ZFHX3: variants seen among roughly 807,000 people sequenced by gnomAD.
The protein encoded by ZFHX3 is zinc finger homeobox protein 3.
ZFHX3 carries 42 observed loss-of-function variants against 279.1 expected under a neutral mutation model. That is an observed-to-expected ratio of 0.15 (90% CI 0.12 to 0.19). The LOEUF is 0.19. Among genes scored for constraint, ZFHX3 ranks in the 10% least tolerant of loss-of-function variants. The pLI, the probability that ZFHX3 is intolerant of heterozygous loss-of-function variation, is 1.00. For synonymous variants in ZFHX3, 2,293 were observed against 1,957.8 expected, an observed-to-expected ratio of 1.17 and a Z score of -4.52; for missense variants, 4,981 against 4,754.0, an observed-to-expected ratio of 1.05 and a Z score of -1.40.
chr16:73,102,274 C>T (rs1481816019), intron 7 of ZFHX3, among the ~76,000 whole-genome samples: 1 of 152,182 alleles, frequency 6.6e-6, no homozygotes, highest in Non-Finnish European at 1.5e-5. Flanking sequence ...CCTGAGCTCA[C>T]CTCGAGATGC....
At position 72,950,961 on chromosome 16, in the gene ZFHX3, G is replaced by A. The variant is rs199738300; in HGVS notation, c.2724C>T (p.Gly908=). 33 of 1,610,956 alleles carry A rather than the reference G, an allele frequency of 2.0e-5. No individual in the cohort carries two copies. The Admixed American group carries it at 2.3e-4, about 11-fold the overall frequency. Residue 908 remains glycine (G), a synonymous_variant, in exon 3 of 10, where the codon GGC becomes GGT. Transcript: ENST00000268489. The part of the protein sequence containing the change: ...PMAAMTPALV[G]GEIPLDMRLG... ...GCCGCATGTCTAGGGGGATCTCACC[G>A]CCCACTGCAGGGAAGGAGAGAAGGA...
chr16:72,903,825 C>T (rs532458572), intron 3 of ZFHX3, among the ~76,000 whole-genome samples: 146 of 152,198 alleles, frequency 9.6e-4, no homozygotes, highest in East Asian at 1.9e-3. Flanking sequence ...ATAAATATAC[C>T]GCTAGAAAGA....
At chr16:73,158,397 TCTTTTCTTTC>T (rs1025171425) in intron 5 of ZFHX3, among the ~76,000 whole-genome samples, 8 of 152,214 alleles carry the variant, frequency 5.3e-5, no homozygotes, top group African/African-American at 1.9e-4. Flanking sequence ...AAAGTCCTTT[TCTTTTCTTTC>T]CTTTTCTTTC....
intron 5 of ZFHX3, among the ~76,000 whole-genome samples, chr16:73,165,385 C>A (rs1307875041): frequency 6.6e-6 from 1 of 152,210 alleles, no homozygotes; most frequent in Non-Finnish European, 1.5e-5. Flanking sequence ...TCTTAACATA[C>A]CACACTTTGC....
chr16:73,382,722 T>C (rs958368795), intron 3 of ZFHX3, among the ~76,000 whole-genome samples: 4 of 152,218 alleles, frequency 2.6e-5, no homozygotes, highest in Non-Finnish European at 5.9e-5. Flanking sequence ...CTAGGCCAAG[T>C]GTCCTTGAGC....
intron 5 of ZFHX3, among the ~76,000 whole-genome samples, chr16:73,146,178 C>T (rs1966862101): frequency 1.3e-5 from 2 of 152,042 alleles, no homozygotes; most frequent in African/African-American, 4.8e-5. Context: ...GCCTAGAATC[C>T]CAGCACTTTG....
At chr16:73,698,176 A>G (rs1327537856) in intron 1 of ZFHX3, among the ~76,000 whole-genome samples, 1 of 152,196 alleles carries the variant, frequency 6.6e-6, no homozygotes, top group Non-Finnish European at 1.5e-5. Flanking sequence ...CGAAACTGGA[A>G]CAATTTGAGA....
chr16:73,388,526 C>T (rs12928135), intron 3 of ZFHX3, among the ~76,000 whole-genome samples: 17,943 of 152,166 alleles, frequency 0.12, 1,802 homozygotes, highest in South Asian at 0.27. Context: ...AAAATGACCC[C>T]CTCACCACCA....
chr16:73,021,188 A>C (rs1242974733), intron 1 of ZFHX3, among the ~76,000 whole-genome samples: 1 of 152,184 alleles, frequency 6.6e-6, no homozygotes, highest in Non-Finnish European at 1.5e-5. Context: ...CAATAAAAGG[A>C]AAGACTGAAG....
chr16:73,271,130 G>T (rs1305706346), intron 4 of ZFHX3, among the ~76,000 whole-genome samples: 1 of 152,158 alleles, frequency 6.6e-6, no homozygotes, highest in Non-Finnish European at 1.5e-5. Context: ...AGAGCTTGGC[G>T]TTGAGTGGAA....
intron 2 of ZFHX3, among the ~76,000 whole-genome samples, chr16:73,478,459 A>C (rs962818534): frequency 6.6e-6 from 1 of 152,114 alleles, no homozygotes; most frequent in Non-Finnish European, 1.5e-5. Context: ...TAAAGGTATA[A>C]TCTGTGACAC....
chr16:73,568,850 C>T (rs1307608128), intron 2 of ZFHX3, among the ~76,000 whole-genome samples: 9 of 152,124 alleles, frequency 5.9e-5, no homozygotes, highest in Non-Finnish European at 4.4e-5. Context: ...CCATTCTGGG[C>T]CACTCTCCAT....
chr16:73,667,993 A>AT (rs1276157298), intron 2 of ZFHX3, among the ~76,000 whole-genome samples: 1 of 152,216 alleles, frequency 6.6e-6, no homozygotes, highest in African/African-American at 2.4e-5. Context: ...TTAAAGCTTC[A>AT]TTACATATGC....
At chr16:73,578,089 G>A (rs751077973) in intron 2 of ZFHX3, among the ~76,000 whole-genome samples, 78 of 152,136 alleles carry the variant, frequency 5.1e-4, no homozygotes, top group Middle Eastern at 3.2e-3. Context: ...CCAGCATTTC[G>A]CAAATATAAC....
chr16:72,953,421 A>G lies in ZFHX3; in HGVS notation c.2720-2456T>C, dbSNP rs746557627. On this transcript the variant is annotated intron_variant, in intron 2 of 9. Coordinates refer to ENST00000268489, the MANE Select transcript of ZFHX3 (RefSeq NM_006885.4). Reference sequence around the variant, plus strand: ...CCGGAGGGTAAGACAAGGAGCAAACATATATTTGTTTCTGATGCCAACCAC... The same window carrying G: ...CCGGAGGGTAAGACAAGGAGCAAACGTATATTTGTTTCTGATGCCAACCAC... 7.2e-5 allele frequency among the ~76,000 whole-genome samples: 11 copies of G among 152,168 alleles called. No homozygotes were observed. In the South Asian group the frequency reaches 8.3e-4, roughly 11 times the overall value.
chr16:72,885,632 G>T (rs1232874684), intron 4 of ZFHX3, among the ~76,000 whole-genome samples: 2 of 152,196 alleles, frequency 1.3e-5, no homozygotes, highest in East Asian at 1.9e-4. Context: ...GCCTTAGGAG[G>T]AGACATCTAG....
chr16:72,965,704 T>C (rs902673751), intron 1 of ZFHX3, among the ~76,000 whole-genome samples: 2 of 151,874 alleles, frequency 1.3e-5, no homozygotes, highest in Non-Finnish European at 2.9e-5. Context: ...GAGTGATGTG[T>C]GTGCATCGTT....
intron 3 of ZFHX3, among the ~76,000 whole-genome samples, chr16:72,947,437 C>A (rs1002006004): frequency 1.3e-5 from 2 of 152,210 alleles, no homozygotes; most frequent in Admixed American, 6.5e-5. Context: ...CACTAGCATG[C>A]GTGACAGCAA....
intron 8 of ZFHX3, among the ~76,000 whole-genome samples, chr16:73,083,802 T>G (rs1244503834): frequency 2.0e-5 from 3 of 152,206 alleles, no homozygotes; most frequent in Non-Finnish European, 4.4e-5. Context: ...GTGCTGGGAT[T>G]ACAGGTGTGA....
Sources: gnomAD v4.1 joint callset for allele counts (sites outside exome capture counted in the v4.1 genomes callset) on GRCh38, gnomAD v4.1.1 for gene constraint, MANE v1.5 for transcripts, NCBI Gene and HGNC (gene_info 2026-07-23, HGNC 2026-07-21) for gene names.